The following TMEFF1 variants were observed in gnomAD, a reference collection of about 807,000 sequenced individuals.
TMEFF1 encodes transmembrane protein with EGF like and two follistatin like domains 1, also known as tomoregulin-1.
In TMEFF1, 20 loss-of-function variants were observed where a neutral mutation model predicts 47.5. That is an observed-to-expected ratio of 0.42 (90% confidence interval 0.30 to 0.61). The LOEUF (loss-of-function observed/expected upper bound fraction) is 0.61, where lower values mean the gene tolerates loss of function less well. TMEFF1 is among the 20% of genes least tolerant of loss of function. The pLI, the probability that TMEFF1 is intolerant of heterozygous loss-of-function variation, is 0.19. For missense variants in TMEFF1, 411 were observed against 471.1 expected (o/e 0.87, Z 1.18); for synonymous variants, 162 against 166.3 (o/e 0.97, Z 0.20).
intron 7 of TMEFF1, among the ~76,000 whole-genome samples, chr9:100,557,376 G>A (rs919166823): frequency 6.6e-6 from 1 of 151,888 alleles, no homozygotes; most frequent in African/African-American, 2.4e-5. Context: ...CTCTTCAAAA[G>A]GCCTTTAGTG....
intron 7 of TMEFF1, among the ~76,000 whole-genome samples, chr9:100,559,643 A>T (rs993077521): frequency 4.6e-5 from 7 of 152,130 alleles, no homozygotes; most frequent in Admixed American, 3.3e-4. Context: ...TACTTTTTAA[A>T]ATCTGGGCTA....
rs1470093631 is a variant in TMEFF1, at chr9:100,489,360, G to A, written c.197-9405G>A. On this transcript the variant is annotated intron_variant, in intron 1 of 9. Transcript: ENST00000374879. The stretch of plus-strand genomic sequence containing the variant: ...TGAGACTACAGGCATGTGCCACCAC[G>A]CCTGGCAGATTTTTGCATGGGGGTT... Among the ~76,000 whole-genome samples, 6 of 152,066 alleles carry A rather than the reference G, an allele frequency of 3.9e-5. No homozygotes were observed. In the East Asian group the frequency reaches 5.8e-4, roughly 15 times the overall value.
chr9:100,505,410 CAAAAAAAAAA>C (rs60312984), intron 2 of TMEFF1, among the ~76,000 whole-genome samples: 2 of 26,444 alleles, frequency 7.6e-5, no homozygotes, highest in South Asian at 3.4e-3. Context: ...GACCCTGTCT[CAAAAAAAAAA>C]AAAAAAAAAA....
At chr9:100,567,871 G>A (rs770743200) in intron 8 of TMEFF1, among the ~76,000 whole-genome samples, 4 of 152,152 alleles carry the variant, frequency 2.6e-5, no homozygotes, top group Admixed American at 6.6e-5. Context: ...TGGCTGGGGA[G>A]GCCTCACAAT....
At chr9:100,568,530 A>C (rs1839169150) in intron 8 of TMEFF1, among the ~76,000 whole-genome samples, 1 of 151,926 alleles carries the variant, frequency 6.6e-6, no homozygotes, top group Admixed American at 6.6e-5. Context: ...GACTTGTTTG[A>C]TTTTATTTTA....
chr9:100,512,194 G>A (rs983376841), intron 3 of TMEFF1, among the ~76,000 whole-genome samples: 3 of 151,876 alleles, frequency 2.0e-5, no homozygotes, highest in Non-Finnish European at 2.9e-5. Flanking sequence ...CTTTTTTTCT[G>A]TTCCATCACT....
chr9:100,487,398 C>T (rs1837469488), intron 1 of TMEFF1, among the ~76,000 whole-genome samples: 1 of 152,108 alleles, frequency 6.6e-6, no homozygotes, highest in African/African-American at 2.4e-5. Context: ...GAATCCCTGG[C>T]CTCAGGTGAT....
chr9:100,561,009 T>G (rs576708653), intron 7 of TMEFF1, among the ~76,000 whole-genome samples: 1 of 152,310 alleles, frequency 6.6e-6, no homozygotes, highest in Non-Finnish European at 1.5e-5. Context: ...AATAAATGAT[T>G]AAGTTCATTC....
chr9:100,498,151 G>A (rs1048832417), intron 1 of TMEFF1, among the ~76,000 whole-genome samples: 9 of 152,100 alleles, frequency 5.9e-5, no homozygotes, highest in African/African-American at 2.2e-4. Flanking sequence ...TGCTTTGGTA[G>A]AGTCAACTTA....
chr9:100,479,387 A>G (rs1284937517), intron 1 of TMEFF1, among the ~76,000 whole-genome samples: 1 of 152,232 alleles, frequency 6.6e-6, no homozygotes, highest in Non-Finnish European at 1.5e-5. Context: ...ATTGAGCACG[A>G]ACAAGATAGG....
At chr9:100,478,149 C>T (rs2118228962) in intron 1 of TMEFF1, among the ~76,000 whole-genome samples, 1 of 152,268 alleles carries the variant, frequency 6.6e-6, no homozygotes, top group Non-Finnish European at 1.5e-5. Flanking sequence ...TGCCACTTAC[C>T]TTAGAAGCTG....
chr9:100,516,646 T>C, intron 4 of TMEFF1, 29 bp from the exon 5 acceptor site: 2 of 1,602,942 alleles, frequency 1.2e-6, no homozygotes, highest in Non-Finnish European at 1.7e-6. Context: ...CAACTTTTGG[T>C]TGTAAATTTG....
intron 5 of TMEFF1, among the ~76,000 whole-genome samples, chr9:100,527,381 G>A (rs760766263): frequency 1.8e-4 from 27 of 152,308 alleles, no homozygotes; most frequent in South Asian, 6.2e-4. Flanking sequence ...CAGTGGGTGC[G>A]CGCACAGTGC....
chr9:100,493,232 G>A (rs150028541), intron 1 of TMEFF1, among the ~76,000 whole-genome samples: 103 of 152,254 alleles, frequency 6.8e-4, no homozygotes, highest in Middle Eastern at 3.4e-3. Context: ...GAATTATCTG[G>A]TTCCAAATGT....
At chr9:100,485,360 A>G (rs1837429437) in intron 1 of TMEFF1, among the ~76,000 whole-genome samples, 1 of 152,226 alleles carries the variant, frequency 6.6e-6, no homozygotes, top group Admixed American at 6.5e-5. Flanking sequence ...TGGTGACTCC[A>G]TGTTTAACAT....
intron 5 of TMEFF1, among the ~76,000 whole-genome samples, chr9:100,540,766 T>C (rs1838613785): frequency 6.6e-6 from 1 of 152,242 alleles, no homozygotes; most frequent in Non-Finnish European, 1.5e-5. Context: ...TTTGCCAATT[T>C]CGTGAGTGTG....
Position 100,547,807 on chromosome 9 carries a change from T to G in TMEFF1, c.624T>G (p.Ser208Arg), listed in dbSNP as rs1489882446. Residue 208 changes from serine to arginine, a missense_variant, in exon 6 of 10, where the codon AGT becomes AGG. Coordinates refer to ENST00000374879, the MANE Select transcript of TMEFF1 (RefSeq NM_003692.5). ...ATCCTGTGTGTGCTTCTGATGGGAG[T>G]TCCTATAACAATCCCTGTTTTGTTC... ...SFNPVCASDG[S>R]SYNNPCFVRE... 6.2e-7 allele frequency: 1 copy of G among 1,610,040 alleles called. No individual in the cohort carries two copies. The highest frequency in any genetic ancestry group is 8.5e-7 in the Non-Finnish European group (1 of 1,178,654).
intron 5 of TMEFF1, among the ~76,000 whole-genome samples, chr9:100,527,522 G>T (rs1467426840): frequency 1.3e-5 from 2 of 152,288 alleles, no homozygotes; most frequent in South Asian, 2.1e-4. Flanking sequence ...CGAATACTGC[G>T]CTTTTCCGAC....
At chr9:100,534,561 T>G (rs754526640) in intron 5 of TMEFF1, among the ~76,000 whole-genome samples, 1 of 152,216 alleles carries the variant, frequency 6.6e-6, no homozygotes, top group Non-Finnish European at 1.5e-5. Context: ...GTAGTATCCG[T>G]GGCCTCTGGA....
Sources: allele counts gnomAD v4.1 joint callset (sites outside exome capture counted in the v4.1 genomes callset), GRCh38; gene constraint gnomAD v4.1.1; transcripts MANE v1.5; gene names NCBI Gene and HGNC (gene_info 2026-07-23, HGNC 2026-07-21).